The following LRMDA variants were observed in gnomAD, a reference collection of about 807,000 sequenced individuals.
LRMDA encodes leucine rich melanocyte differentiation associated, also known as leucine-rich melanocyte differentiation-associated protein.
In LRMDA, 18 loss-of-function variants were observed where a neutral mutation model predicts 29.8. The observed-to-expected ratio is 0.60, with a 90% CI of 0.42 to 0.90. The LOEUF (loss-of-function observed/expected upper bound fraction) is 0.90, where lower values mean the gene tolerates loss of function less well. LRMDA is among the 40% of genes least tolerant of loss of function. The pLI, the probability that LRMDA is intolerant of heterozygous loss-of-function variation, is 0.00. For missense variants in LRMDA, 273 were observed against 273.9 expected (o/e 1.00, Z 0.02); for synonymous variants, 125 against 109.4 (o/e 1.14, Z -0.89).
At chr10:76,132,961 C>A (rs1850022375) in intron 5 of LRMDA, among the ~76,000 whole-genome samples, 1 of 142,476 alleles carries the variant, frequency 7.0e-6, no homozygotes, top group African/African-American at 2.7e-5. Flanking sequence ...CACCACCACG[C>A]CCGGCTTTTT....
At chr10:75,712,237 C>G (rs910509926) in intron 2 of LRMDA, among the ~76,000 whole-genome samples, 2 of 152,140 alleles carry the variant, frequency 1.3e-5, no homozygotes, top group African/African-American at 2.4e-5. Flanking sequence ...CTCATCCCTC[C>G]CCGCCCCCCT....
At chr10:76,430,466 A>G (rs1327966263) in intron 6 of LRMDA, among the ~76,000 whole-genome samples, 1 of 152,200 alleles carries the variant, frequency 6.6e-6, no homozygotes, top group Non-Finnish European at 1.5e-5. Context: ...AGCTGATGGT[A>G]TCACTTTTTA....
intron 2 of LRMDA, among the ~76,000 whole-genome samples, chr10:75,488,625 C>G (rs896353986): frequency 2.0e-5 from 3 of 152,150 alleles, no homozygotes; most frequent in Non-Finnish European, 2.9e-5. Context: ...TTTTGAGACT[C>G]ACTTTTCAGG....
chr10:75,573,190 T>G (rs1311432482), intron 2 of LRMDA, among the ~76,000 whole-genome samples: 1 of 152,238 alleles, frequency 6.6e-6, no homozygotes, highest in Non-Finnish European at 1.5e-5. Flanking sequence ...GATAATCTTT[T>G]CTATTTGCTT....
intron 2 of LRMDA, among the ~76,000 whole-genome samples, chr10:75,550,011 G>A (rs566340827): frequency 6.6e-6 from 1 of 152,244 alleles, no homozygotes; most frequent in Admixed American, 6.5e-5. Context: ...ATTCTATTGT[G>A]TGAATGTACC....
intron 5 of LRMDA, among the ~76,000 whole-genome samples, chr10:76,181,288 C>T (rs769658269): frequency 6.6e-6 from 1 of 152,218 alleles, no homozygotes; most frequent in Non-Finnish European, 1.5e-5. Flanking sequence ...AGTCCATCCT[C>T]CCAGAGGACT....
intron 6 of LRMDA, among the ~76,000 whole-genome samples, chr10:76,386,443 GT>G (rs1841660602): frequency 6.6e-6 from 1 of 152,186 alleles, no homozygotes; most frequent in East Asian, 1.9e-4. Flanking sequence ...GGACTAAAAT[GT>G]GATAATAGGG....
intron 5 of LRMDA, among the ~76,000 whole-genome samples, chr10:76,323,938 C>T (rs1840802794): frequency 6.6e-6 from 1 of 152,154 alleles, no homozygotes; most frequent in Non-Finnish European, 1.5e-5. Context: ...TTCATTCTGC[C>T]AAGTCTTTCA....
intron 6 of LRMDA, among the ~76,000 whole-genome samples, chr10:76,435,111 A>G (rs1389240710): frequency 1.3e-5 from 2 of 152,172 alleles, no homozygotes; most frequent in Admixed American, 1.3e-4. Context: ...AATAATCTAT[A>G]TGACATAGTC....
chr10:75,739,121 C>T (rs1447709470), intron 2 of LRMDA, among the ~76,000 whole-genome samples: 2 of 152,204 alleles, frequency 1.3e-5, no homozygotes, highest in South Asian at 2.1e-4. Context: ...TGTGTTTTCC[C>T]ACAGCATGTC....
At chr10:75,715,518 A>G (rs530962821) in intron 2 of LRMDA, among the ~76,000 whole-genome samples, 290 of 152,230 alleles carry the variant, frequency 1.9e-3, no homozygotes, top group Non-Finnish European at 3.6e-3. Context: ...TTACTTTGCA[A>G]TATGTATTTG....
At chr10:75,931,800 G>A (rs532380201) in intron 2 of LRMDA, among the ~76,000 whole-genome samples, 7 of 152,240 alleles carry the variant, frequency 4.6e-5, no homozygotes, top group Admixed American at 1.3e-4. Flanking sequence ...CCATGGAGCC[G>A]GCTTTACCAG....
At chr10:75,872,641 G>GT (rs35674797) in intron 2 of LRMDA, among the ~76,000 whole-genome samples, 37 of 152,066 alleles carry the variant, frequency 2.4e-4, no homozygotes, top group Non-Finnish European at 4.9e-4. Context: ...CATGTTACAT[G>GT]TTTTCTCGTT....
At position 75,700,535 on chromosome 10, in the gene LRMDA, A is replaced by C. The variant is rs117294699; in HGVS notation, c.131+262041A>C. Among the ~76,000 whole-genome samples the C allele has an allele frequency of 7.6e-3, 1,148 of 150,114 alleles. 27 individuals are homozygous for C. The highest frequency in any genetic ancestry group is 0.061 in the East Asian group (310 of 5,068). ...ACTGCAAGCTCCACCTCCTGGGTTC[A>C]CGCCATTTTCCTGCCTTAGCCTTCC... is the stretch of plus-strand genomic sequence containing the variant. On this transcript the variant is annotated intron_variant, in intron 2 of 6. Coordinates refer to ENST00000611255, the MANE Select transcript of LRMDA (RefSeq NM_001305581.2).
intron 2 of LRMDA, among the ~76,000 whole-genome samples, chr10:75,920,313 A>G (rs1846005503): frequency 1.3e-5 from 2 of 152,118 alleles, no homozygotes; most frequent in African/African-American, 4.8e-5. Flanking sequence ...TTTGACTTAC[A>G]GTATAGTAAT....
chr10:75,864,131 C>T (rs2132325022), intron 2 of LRMDA, among the ~76,000 whole-genome samples: 1 of 152,284 alleles, frequency 6.6e-6, no homozygotes. Flanking sequence ...GGCAAGGTCT[C>T]TGTCTACTCT....
chr10:75,653,716 CAAGAGATTTT>C (rs1841630948), intron 2 of LRMDA, among the ~76,000 whole-genome samples: 1 of 152,176 alleles, frequency 6.6e-6, no homozygotes, highest in African/African-American at 2.4e-5. Flanking sequence ...CTAATCTTTT[CAAGAGATTTT>C]TCTTTAGTTT....
chr10:75,903,960 A>C (rs1315186460), intron 2 of LRMDA, among the ~76,000 whole-genome samples: 1 of 152,212 alleles, frequency 6.6e-6, no homozygotes, highest in Non-Finnish European at 1.5e-5. Context: ...GTGTGATGAA[A>C]AGCAAAAGAA....
At chr10:76,381,651 C>T (rs1323881675) in intron 6 of LRMDA, among the ~76,000 whole-genome samples, 1 of 152,134 alleles carries the variant, frequency 6.6e-6, no homozygotes, top group East Asian at 1.9e-4. Flanking sequence ...TATCCCACTC[C>T]TTTAGCTCTT....
Sources: gnomAD v4.1 joint callset for allele counts (sites outside exome capture counted in the v4.1 genomes callset) on GRCh38, gnomAD v4.1.1 for gene constraint, MANE v1.5 for transcripts, NCBI Gene and HGNC (gene_info 2026-07-23, HGNC 2026-07-21) for gene names.